Variants in ATP11A observed in about 807,000 individuals in gnomAD.
The protein encoded by ATP11A is ATPase phospholipid transporting 11A.
ATP11A carries 81 observed loss-of-function variants against 154.4 expected under a neutral mutation model. The observed-to-expected ratio is 0.52, with a 90% CI of 0.44 to 0.63. The LOEUF (loss-of-function observed/expected upper bound fraction) is 0.63, where lower values mean the gene tolerates loss of function less well. Among genes scored for constraint, ATP11A ranks in the 30% least tolerant of loss-of-function variants. The pLI, the probability that ATP11A is intolerant of heterozygous loss-of-function variation, is 0.00. For missense variants in ATP11A, 1,316 were observed against 1,474.3 expected (o/e 0.89, Z 1.76); for synonymous variants, 623 against 585.9 (o/e 1.06, Z -0.91).
rs1219309031 is a variant in ATP11A, at chr13:112,823,506, C to G, written c.790+97C>G. 3 of 993,666 alleles carry G rather than the reference C, an allele frequency of 3.0e-6. No homozygotes were observed. The Admixed American group carries it at 7.2e-5, about 24-fold the overall frequency. 61.6% of individuals were successfully genotyped at this position (993,666 alleles called of 1,614,324 possible). A position where few individuals can be genotyped will look rare whatever the true frequency, so the allele number is the denominator to read the frequency against. ...AGCGGAACCCGAGAGCGTTTCTTGG[C>G]ACCTTGAGGTGCTGGAGGCTTTCTG... On this transcript the variant is annotated intron_variant, in intron 9 of 29. Coordinates refer to ENST00000375645, the MANE Select transcript of ATP11A (RefSeq NM_015205.3).
At chr13:112,777,451 C>T (rs1408392902) in intron 1 of ATP11A, among the ~76,000 whole-genome samples, 1 of 152,144 alleles carries the variant, frequency 6.6e-6, no homozygotes, top group Non-Finnish European at 1.5e-5. Flanking sequence ...GTAATCCCAG[C>T]TACTTGGGAG....
At chr13:112,810,105 C>G (rs985193784) in intron 4 of ATP11A, among the ~76,000 whole-genome samples, 1 of 152,180 alleles carries the variant, frequency 6.6e-6, no homozygotes, top group African/African-American at 2.4e-5. Context: ...CACCGAGAGT[C>G]TGGGCTGCCA....
At chr13:112,748,746 T>C (rs1392987332) in intron 1 of ATP11A, among the ~76,000 whole-genome samples, 1 of 152,214 alleles carries the variant, frequency 6.6e-6, no homozygotes, top group East Asian at 1.9e-4. Context: ...GCTAGCCAGC[T>C]ACAGAGATAA....
chr13:112,721,433 A>G (rs1423022108), intron 1 of ATP11A, among the ~76,000 whole-genome samples: 1 of 152,178 alleles, frequency 6.6e-6, no homozygotes, highest in East Asian at 1.9e-4. Context: ...GTGCATTTGG[A>G]TATGTCGAGG....
rs541630481 is a variant in ATP11A, at chr13:112,713,771, G to A, written c.39+23316G>A. Among the ~76,000 whole-genome samples the A allele has an allele frequency of 9.7e-4, 147 of 152,220 alleles. 1 individual carries two copies. The highest frequency in any genetic ancestry group is 3.3e-3 in the African/African-American group (138 of 41,506). On this transcript the variant is annotated intron_variant, in intron 1 of 29. Coordinates refer to ENST00000375645, the MANE Select transcript of ATP11A (RefSeq NM_015205.3). ...TAAGGATAAAATGAAACCAGACATC[G>A]GTTTGCATGTGTCCAGTTGAGGGGA...
chr13:112,797,160 G>A (rs1185976324), intron 2 of ATP11A, among the ~76,000 whole-genome samples: 6 of 151,806 alleles, frequency 4.0e-5, no homozygotes, highest in Non-Finnish European at 8.8e-5. Context: ...GCAGGTGCCT[G>A]TAATCCCAGC....
intron 6 of ATP11A, among the ~76,000 whole-genome samples, chr13:112,817,369 A>T (rs1416925706): frequency 6.6e-6 from 1 of 152,270 alleles, no homozygotes; most frequent in Non-Finnish European, 1.5e-5. Context: ...GATAGATGAA[A>T]AACCTATGGA....
At chr13:112,798,318 A>G (rs899301099) in intron 2 of ATP11A, among the ~76,000 whole-genome samples, 14 of 152,360 alleles carry the variant, frequency 9.2e-5, no homozygotes, top group Admixed American at 9.1e-4. Flanking sequence ...TTTCTTTTAG[A>G]GACGTGATCT....
chr13:112,779,678 C>CT (rs2140000125), intron 1 of ATP11A, among the ~76,000 whole-genome samples: 1 of 152,260 alleles, frequency 6.6e-6, no homozygotes, highest in Admixed American at 6.5e-5. Flanking sequence ...CTTTGGGAGG[C>CT]TGAGGCGGGC....
intron 1 of ATP11A, among the ~76,000 whole-genome samples, chr13:112,733,110 C>A (rs1201324642): frequency 6.6e-6 from 1 of 152,212 alleles, no homozygotes; most frequent in Non-Finnish European, 1.5e-5. Flanking sequence ...CACAATGATA[C>A]ATTTCTTAAA....
intron 18 of ATP11A, chr13:112,851,974 A>T (rs1357898963): frequency 6.6e-6 from 1 of 152,252 alleles, no homozygotes; most frequent in Non-Finnish European, 1.5e-5. Flanking sequence ...AAATTACAAA[A>T]ACTAATAATC....
At chr13:112,784,882 C>T (rs902858423) in intron 1 of ATP11A, among the ~76,000 whole-genome samples, 1 of 152,188 alleles carries the variant, frequency 6.6e-6, no homozygotes, top group Non-Finnish European at 1.5e-5. Context: ...CTTTGAAGTT[C>T]ACTGTGTGGC....
intron 1 of ATP11A, among the ~76,000 whole-genome samples, chr13:112,712,916 C>G (rs1160203914): frequency 1.3e-5 from 2 of 152,232 alleles, no homozygotes; most frequent in African/African-American, 4.8e-5. Context: ...TGAGGGCTTT[C>G]TTTTTATAGC....
At chr13:112,880,788 C>A in intron 29 of ATP11A, 1 of 1,151,332 alleles carries the variant, frequency 8.7e-7, no homozygotes, top group African/African-American at 1.6e-5. Flanking sequence ...CACACACATG[C>A]ATTTGCTGTC....
At chr13:112,851,332 C>T (rs1594174445) in intron 18 of ATP11A, 114 bp downstream of exon 18, 17 of 1,015,988 alleles carry the variant, frequency 1.7e-5, no homozygotes, top group Non-Finnish European at 2.2e-5. Context: ...GCCGACGGGG[C>T]GTGTTTGCTG....
intron 19 of ATP11A, 73 bp downstream of exon 19, chr13:112,854,603 C>T (rs2079870689): frequency 2.6e-6 from 4 of 1,515,218 alleles, no homozygotes. Flanking sequence ...CCTTCACCTG[C>T]AAGTCGGGGA....
Position 112,856,057 on chromosome 13 carries a change from G to T in ATP11A, c.2390G>T (p.Cys797Phe), listed in dbSNP as rs1380652633. The change falls in exon 20 of 30, where the codon TGC (cysteine) becomes TTC (phenylalanine). Residue 797 changes from cysteine (C) to phenylalanine (F), a missense_variant. By Grantham distance (205) the Cys-to-Phe change is radical. Transcript: ENST00000375645. ...CGGAGCTGCAGCGCGGTGCTCTGCTGCCGCATGGCGCCCTTGCAGAAGGCT... is the reference window on the plus strand; with the variant it reads ...CGGAGCTGCAGCGCGGTGCTCTGCTTCCGCATGGCGCCCTTGCAGAAGGCT... ...ICRSCSAVLC[C>F]RMAPLQKAQI... 1 of 1,613,406 alleles carries T rather than the reference G, an allele frequency of 6.2e-7. No individual in the cohort carries two copies. Among genetic ancestry groups the T allele is most frequent in the South Asian group, 1.1e-5 (1 of 91,020 alleles).
At chr13:112,830,510 A>T (rs1482072925) in intron 12 of ATP11A, among the ~76,000 whole-genome samples, 1 of 152,194 alleles carries the variant, frequency 6.6e-6, no homozygotes, top group Non-Finnish European at 1.5e-5. Flanking sequence ...TGGGAGACGG[A>T]GGTTGCAGTG....
At chr13:112,844,802 G>GTTGCCGGGCGCTAGCA (rs2079532386) in intron 17 of ATP11A, among the ~76,000 whole-genome samples, 3 of 131,438 alleles carry the variant, frequency 2.3e-5, no homozygotes, top group Non-Finnish European at 4.6e-5. Context: ...GGGTGTTAGT[G>GTTGCCGGGCGCTAGCA]GTACTAACCA....
Sources: allele counts gnomAD v4.1 joint callset (sites outside exome capture counted in the v4.1 genomes callset), GRCh38; gene constraint gnomAD v4.1.1; transcripts MANE v1.5; gene names NCBI Gene and HGNC (gene_info 2026-07-23, HGNC 2026-07-21).